The following FHIT variants were observed in gnomAD, a reference collection of about 807,000 sequenced individuals.
The protein encoded by FHIT is bis(5'-adenosyl)-triphosphatase.
FHIT carries 19 observed loss-of-function variants against 17.9 expected under a neutral mutation model. That is an observed-to-expected ratio of 1.06 (90% CI 0.74 to 1.56). FHIT has a LOEUF of 1.56. FHIT is among the 40% of genes most tolerant of loss of function. FHIT has a pLI of 0.00. For missense variants in FHIT, 248 were observed against 189.2 expected, an observed-to-expected ratio of 1.31 and a Z score of -1.82; for synonymous variants, 81 against 69.7, an observed-to-expected ratio of 1.16 and a Z score of -0.81.
intron 5 of FHIT, among the ~76,000 whole-genome samples, chr3:60,215,063 T>C (rs1703636071): frequency 6.6e-6 from 1 of 152,060 alleles, no homozygotes; most frequent in African/African-American, 2.4e-5. Context: ...CTGCCAATCA[T>C]GTACGATACT....
At chr3:61,198,287 G>A (rs1378875807) in intron 2 of FHIT, among the ~76,000 whole-genome samples, 1 of 152,118 alleles carries the variant, frequency 6.6e-6, no homozygotes, top group Non-Finnish European at 1.5e-5. Flanking sequence ...GGCAACAGTG[G>A]TCTCATAGTA....
chr3:60,358,054 T>A (rs1207773982), intron 5 of FHIT, among the ~76,000 whole-genome samples: 1 of 152,224 alleles, frequency 6.6e-6, no homozygotes, highest in Non-Finnish European at 1.5e-5. Flanking sequence ...CTTAGCAATT[T>A]GTGTTTTATT....
At chr3:60,786,940 A>G (rs1700599512) in intron 4 of FHIT, among the ~76,000 whole-genome samples, 1 of 151,644 alleles carries the variant, frequency 6.6e-6, no homozygotes. Flanking sequence ...GAAGAAAGGG[A>G]GGAAGGCAAA....
At chr3:61,144,978 A>T (rs2037186090) in intron 2 of FHIT, among the ~76,000 whole-genome samples, 1 of 152,172 alleles carries the variant, frequency 6.6e-6, no homozygotes. Flanking sequence ...ATTTTCTCCC[A>T]TCTTTGGGTA....
chr3:61,190,041 A>T (rs1181342755), intron 2 of FHIT, among the ~76,000 whole-genome samples: 50 of 152,130 alleles, frequency 3.3e-4, no homozygotes, highest in Non-Finnish European at 4.4e-4. Context: ...CTTCATGTCT[A>T]AAACACCAAA....
chr3:59,987,658 G>A (rs1709045152), intron 7 of FHIT, among the ~76,000 whole-genome samples: 3 of 151,908 alleles, frequency 2.0e-5, no homozygotes, highest in Admixed American at 6.6e-5. Context: ...AATTAATAAG[G>A]AAAGCTTAAT....
In FHIT at chr3:60,330,714, T is replaced by C. The variant is rs537711305; in HGVS notation, c.103+206146A>G. 5.9e-5 allele frequency among the ~76,000 whole-genome samples: 9 copies of C among 152,280 alleles called. No individual in the cohort carries two copies. The South Asian group carries it at 1.9e-3, about 32-fold the overall frequency. On this transcript the variant is annotated intron_variant, in intron 5 of 9. Coordinates refer to ENST00000492590, the MANE Select transcript of FHIT (RefSeq NM_002012.4). Reference sequence around the variant, plus strand: ...TTCCCTGCTGTGTTCTTTACAGAAGTGAAAGACTGGAAATGCATCAATCTC... The same window carrying C: ...TTCCCTGCTGTGTTCTTTACAGAAGCGAAAGACTGGAAATGCATCAATCTC...
In FHIT at chr3:60,064,824, CTG is replaced by C. The variant is rs1702433447; in HGVS notation, c.104-50674_104-50673del. On this transcript the variant is annotated intron_variant, in intron 5 of 9. Coordinates refer to ENST00000492590, the MANE Select transcript of FHIT (RefSeq NM_002012.4). ...CAACTCTCTAATACACTGACACATGCTGTGTTAGGCACTTCGCAAGTATTATC... is the reference window on the plus strand; with the variant it reads ...CAACTCTCTAATACACTGACACATGCTGTTAGGCACTTCGCAAGTATTATC... Among the ~76,000 whole-genome samples, 3 of 152,222 alleles carry C rather than the reference CTG, an allele frequency of 2.0e-5. No individual in the cohort carries two copies. The South Asian group carries it at 6.2e-4, about 31-fold the overall frequency.
intron 7 of FHIT, among the ~76,000 whole-genome samples, chr3:60,008,175 A>G (rs1699997068): frequency 6.6e-6 from 1 of 152,112 alleles, no homozygotes; most frequent in Non-Finnish European, 1.5e-5. Flanking sequence ...CAGGACAGAG[A>G]GTAGGGGCTT....
At chr3:60,854,382 A>G (rs1344479790) in intron 3 of FHIT, among the ~76,000 whole-genome samples, 1 of 152,066 alleles carries the variant, frequency 6.6e-6, no homozygotes, top group Non-Finnish European at 1.5e-5. Context: ...AGATGCATTA[A>G]TTGCAATCTA....
chr3:60,245,572 G>A (rs948548582), intron 5 of FHIT, among the ~76,000 whole-genome samples: 4 of 151,934 alleles, frequency 2.6e-5, no homozygotes, highest in African/African-American at 9.7e-5. Context: ...ACGATATTAG[G>A]GGAAAAACCT....
At chr3:60,286,743 G>A (rs1222485213) in intron 5 of FHIT, among the ~76,000 whole-genome samples, 1 of 152,178 alleles carries the variant, frequency 6.6e-6, no homozygotes, top group Admixed American at 6.5e-5. Context: ...TTAGAACACT[G>A]TGGAGCTATA....
chr3:61,207,791 T>G (rs1040377602), intron 1 of FHIT, among the ~76,000 whole-genome samples: 1 of 152,248 alleles, frequency 6.6e-6, no homozygotes, highest in Non-Finnish European at 1.5e-5. Context: ...ATTAATTTTT[T>G]GAAGGGTTTT....
At chr3:59,892,674 T>A (rs1021203808) in intron 8 of FHIT, among the ~76,000 whole-genome samples, 1 of 152,230 alleles carries the variant, frequency 6.6e-6, no homozygotes. Context: ...GTGGGGGATA[T>A]GTTTAATCAC....
chr3:61,122,104 A>G (rs1176500961), intron 2 of FHIT, among the ~76,000 whole-genome samples: 1 of 152,220 alleles, frequency 6.6e-6, no homozygotes, highest in African/African-American at 2.4e-5. Flanking sequence ...ACTTCAAACT[A>G]TACTACAAGG....
intron 8 of FHIT, among the ~76,000 whole-genome samples, chr3:59,780,629 G>A (rs997595951): frequency 6.6e-6 from 1 of 152,158 alleles, no homozygotes; most frequent in Non-Finnish European, 1.5e-5. Context: ...GTTAGATGAG[G>A]TCATGAAGGT....
At chr3:60,302,555 T>C (rs561805568) in intron 5 of FHIT, among the ~76,000 whole-genome samples, 9 of 152,280 alleles carry the variant, frequency 5.9e-5, no homozygotes, top group African/African-American at 2.2e-4. Flanking sequence ...GGACATTGCT[T>C]GGAACTAAAT....
intron 5 of FHIT, among the ~76,000 whole-genome samples, chr3:60,366,305 A>T (rs1200077826): frequency 6.6e-6 from 1 of 152,114 alleles, no homozygotes; most frequent in Non-Finnish European, 1.5e-5. Flanking sequence ...CCTCATGAGT[A>T]GTAGAGATAG....
intron 2 of FHIT, among the ~76,000 whole-genome samples, chr3:61,181,326 CA>C (rs2038336087): frequency 6.6e-6 from 1 of 152,086 alleles, no homozygotes; most frequent in South Asian, 2.1e-4. Flanking sequence ...GTGAAAACAT[CA>C]ATATTTGTAT....
Sources: gnomAD v4.1 joint callset for allele counts (sites outside exome capture counted in the v4.1 genomes callset) on GRCh38, gnomAD v4.1.1 for gene constraint, MANE v1.5 for transcripts, NCBI Gene and HGNC (gene_info 2026-07-23, HGNC 2026-07-21) for gene names.